The following LIN52 variants were observed in gnomAD, a reference collection of about 807,000 sequenced individuals.
LIN52 encodes the protein lin-52 DREAM MuvB core complex component.
LIN52 carries 4 observed loss-of-function variants against 18.5 expected under a neutral mutation model. The ratio of observed to expected loss-of-function variants is 0.22; its 90% CI spans 0.11 to 0.49. The LOEUF (loss-of-function observed/expected upper bound fraction) is 0.49, where lower values mean the gene tolerates loss of function less well. LIN52 is among the 20% of genes least tolerant of loss of function. The pLI is 0.97. For missense variants in LIN52, 102 were observed against 139.5 expected, an observed-to-expected ratio of 0.73 and a Z score of 1.35; for synonymous variants, 34 against 45.5, an observed-to-expected ratio of 0.75 and a Z score of 1.02.
chr14:74,157,419 A>G (rs1047339419), intron 5 of LIN52, among the ~76,000 whole-genome samples: 3 of 151,394 alleles, frequency 2.0e-5, no homozygotes, highest in African/African-American at 4.8e-5. Context: ...CTTTGAAAAC[A>G]AAGTGAATCA....
chr14:74,198,065 G>A (rs956847188), intron 5 of LIN52, among the ~76,000 whole-genome samples: 6 of 152,196 alleles, frequency 3.9e-5, no homozygotes, highest in African/African-American at 1.2e-4. Flanking sequence ...GAAACTTTCT[G>A]CACTGTTAAA....
At chr14:74,130,278 G>GTTTTTTTTTTTTTTTTTTTTTTTGT (rs71460958) in intron 5 of LIN52, among the ~76,000 whole-genome samples, 1 of 64,842 alleles carries the variant, frequency 1.5e-5, no homozygotes, top group Non-Finnish European at 2.8e-5. Flanking sequence ...GCATTTTTTG[G>GTTTTTTTTTTTTTTTTTTTTTTTGT]TTTTTTTTTT....
At chr14:74,154,530 G>A (rs901292811) in intron 5 of LIN52, among the ~76,000 whole-genome samples, 1 of 152,158 alleles carries the variant, frequency 6.6e-6, no homozygotes, top group African/African-American at 2.4e-5. Flanking sequence ...ATTCTGGCTA[G>A]AAGTAAGAGT....
chr14:74,119,160 CT>C (rs543503099), intron 5 of LIN52, among the ~76,000 whole-genome samples: 34,256 of 114,964 alleles, frequency 0.3, 3,297 homozygotes, highest in South Asian at 0.47. Flanking sequence ...GATTTTCTTT[CT>C]TTTTTTTTTT....
chr14:74,122,525 A>T (rs1471865787), intron 5 of LIN52, among the ~76,000 whole-genome samples: 1 of 152,160 alleles, frequency 6.6e-6, no homozygotes, highest in African/African-American at 2.4e-5. Flanking sequence ...ATTTCACTGG[A>T]CACTTGTGAG....
chr14:74,191,752 G>C (rs1160661924), intron 5 of LIN52, among the ~76,000 whole-genome samples: 2 of 151,622 alleles, frequency 1.3e-5, no homozygotes, highest in African/African-American at 4.8e-5. Context: ...TCCTGCCTCA[G>C]CCTCCCCAGT....
chr14:74,165,500 C>G (rs1306344099), intron 5 of LIN52, among the ~76,000 whole-genome samples: 1 of 112,040 alleles, frequency 8.9e-6, no homozygotes, highest in East Asian at 3.4e-4. Context: ...TGGAGAATTA[C>G]AGGTTTTCTT....
At chr14:74,145,282 CTTA>C (rs905352622) in intron 5 of LIN52, among the ~76,000 whole-genome samples, 1 of 152,194 alleles carries the variant, frequency 6.6e-6, no homozygotes, top group African/African-American at 2.4e-5. Flanking sequence ...ATCTGTGAGT[CTTA>C]TTGTTTTTTC....
intron 5 of LIN52, among the ~76,000 whole-genome samples, chr14:74,195,604 T>G (rs1489728986): frequency 1.3e-5 from 2 of 151,902 alleles, no homozygotes; most frequent in African/African-American, 4.8e-5. Context: ...TACAGAATAG[T>G]AGCAGAAGGC....
intron 5 of LIN52, among the ~76,000 whole-genome samples, chr14:74,152,960 A>AC (rs2061182986): frequency 8.1e-6 from 1 of 123,558 alleles, no homozygotes; most frequent in African/African-American, 4.0e-5. Flanking sequence ...ACTCTGTCTC[A>AC]AAAAAAAAAA....
chr14:74,106,606 T>C (rs2060898367), intron 5 of LIN52, among the ~76,000 whole-genome samples: 1 of 152,102 alleles, frequency 6.6e-6, no homozygotes, highest in Admixed American at 6.6e-5. Flanking sequence ...TTGTTTATTT[T>C]TTGAGGCAGT....
chr14:74,159,091 A>G (rs2061213156), intron 5 of LIN52, among the ~76,000 whole-genome samples: 1 of 152,196 alleles, frequency 6.6e-6, no homozygotes, highest in African/African-American at 2.4e-5. Context: ...GTTGGGTCTT[A>G]ACTATTATAA....
chr14:74,196,475 T>TAA (rs1041677566), intron 5 of LIN52, among the ~76,000 whole-genome samples: 17 of 152,192 alleles, frequency 1.1e-4, no homozygotes, highest in Non-Finnish European at 1.9e-4. Flanking sequence ...AGAAGACTTT[T>TAA]GTATTGACCG....
chr14:74,134,822 C>T (rs2061088659), intron 5 of LIN52, among the ~76,000 whole-genome samples: 1 of 152,178 alleles, frequency 6.6e-6, no homozygotes, highest in African/African-American at 2.4e-5. Context: ...ATGAGAAAGG[C>T]AGTCACAAGG....
intron 5 of LIN52, among the ~76,000 whole-genome samples, chr14:74,109,078 G>A (rs1004917765): frequency 6.6e-6 from 1 of 152,170 alleles, no homozygotes; most frequent in Admixed American, 6.5e-5. Flanking sequence ...TATATTTGGT[G>A]TGAGATAGGG....
At chr14:74,198,111 A>G (rs570643017) in intron 5 of LIN52, among the ~76,000 whole-genome samples, 1 of 152,170 alleles carries the variant, frequency 6.6e-6, no homozygotes, top group African/African-American at 2.4e-5. Context: ...GCCTTGCAGG[A>G]TGAGGATGAG....
chr14:74,137,290 G>A (rs541473059), intron 5 of LIN52, among the ~76,000 whole-genome samples: 3 of 147,932 alleles, frequency 2.0e-5, no homozygotes, highest in Non-Finnish European at 4.5e-5. Flanking sequence ...CTAAGAATAA[G>A]GATAGTTTTC....
chr14:74,130,129 T>C (rs2061052334), intron 5 of LIN52, among the ~76,000 whole-genome samples: 1 of 151,892 alleles, frequency 6.6e-6, no homozygotes, highest in Non-Finnish European at 1.5e-5. Flanking sequence ...ACCAGGTCTC[T>C]CCTACAACAC....
chr14:74,099,064 G>A (rs1475947513), intron 4 of LIN52, among the ~76,000 whole-genome samples: 1 of 151,910 alleles, frequency 6.6e-6, no homozygotes, highest in African/African-American at 2.4e-5. Context: ...ATCACAAAGT[G>A]GAAATTTAAA....
Sources: gnomAD v4.1 joint callset for allele counts (sites outside exome capture counted in the v4.1 genomes callset) on GRCh38, gnomAD v4.1.1 for gene constraint, MANE v1.5 for transcripts, NCBI Gene and HGNC (gene_info 2026-07-23, HGNC 2026-07-21) for gene names.